The following NOS1 variants were observed in gnomAD, a reference collection of about 807,000 sequenced individuals.
NOS1 encodes the protein nitric oxide synthase 1, also known as NOS type I.
NOS1 carries 51 observed loss-of-function variants against 164.5 expected under a neutral mutation model. The observed-to-expected ratio is 0.31, with a 90% CI of 0.25 to 0.39. NOS1 has a LOEUF of 0.39. Ranked by LOEUF, NOS1 falls within the 10% of genes least tolerant of loss-of-function variation. The pLI is 1.00. For missense variants in NOS1, 1,362 were observed against 1,885.6 expected, an observed-to-expected ratio of 0.72 and a Z score of 5.14; for synonymous variants, 719 against 745.8, an observed-to-expected ratio of 0.96 and a Z score of 0.59.
intron 2 of NOS1, among the ~76,000 whole-genome samples, chr12:117,321,855 C>T (rs1278320290): frequency 6.6e-6 from 1 of 152,058 alleles, no homozygotes; most frequent in Non-Finnish European, 1.5e-5. Context: ...AAAAACCGAG[C>T]CAGTCCTCTT....
intron 7 of NOS1, 32 bp from the exon 8 acceptor site, chr12:117,280,898 A>AG: frequency 6.2e-7 from 1 of 1,609,002 alleles, no homozygotes; most frequent in Non-Finnish European, 8.5e-7. Flanking sequence ...ACCCGGCATC[A>AG]GGGCGGGACT....
At chr12:117,225,237 C>T (rs1236309007) in intron 24 of NOS1, 100 bp from the exon 25 acceptor site, 4 of 1,465,110 alleles carry the variant, frequency 2.7e-6, no homozygotes, top group Non-Finnish European at 2.8e-6. Flanking sequence ...GGTAGACATA[C>T]AATGAGACTT....
chr12:117,226,101 T>C (rs574109921), intron 24 of NOS1, among the ~76,000 whole-genome samples: 2 of 152,318 alleles, frequency 1.3e-5, no homozygotes, highest in South Asian at 4.1e-4. Context: ...GCCAATGAGA[T>C]TTGGATCATT....
chr12:117,215,985 C>T (rs1261189834), intron 28 of NOS1, among the ~76,000 whole-genome samples: 1 of 146,520 alleles, frequency 6.8e-6, no homozygotes, highest in Admixed American at 7.1e-5. Context: ...TCAAGCGATT[C>T]CTGTGTCTCA....
At chr12:117,350,888 C>A (rs548004466) in intron 1 of NOS1, among the ~76,000 whole-genome samples, 1 of 152,178 alleles carries the variant, frequency 6.6e-6, no homozygotes, top group East Asian at 1.9e-4. Context: ...CCGAGGCGGG[C>A]GGATCACGAG....
At chr12:117,259,576 G>A (rs9658429) in intron 14 of NOS1, among the ~76,000 whole-genome samples, 3,961 of 152,210 alleles carry the variant, frequency 0.026, 165 homozygotes, top group African/African-American at 0.09. Context: ...GCAGTGTGGA[G>A]CACCTGGCCA....
Position 117,305,443 on chromosome 12 carries a change from G to A in NOS1, c.852+6023C>T, listed in dbSNP as rs563687013. Among the ~76,000 whole-genome samples the A allele has an allele frequency of 3.4e-5, 5 of 147,046 alleles. No individual in the cohort carries two copies. In the South Asian group the frequency reaches 6.4e-4, roughly 19 times the overall value. The stretch of plus-strand genomic sequence containing the variant: ...CGCGTCATTGCACTCTTGCCTGGGC[G>A]ACTGAGTGAGACTCCATCTCAAAAA... On this transcript the variant is annotated intron_variant, in intron 3 of 28. Coordinates refer to ENST00000317775, the MANE Select transcript of NOS1 (RefSeq NM_000620.5).
intron 25 of NOS1, among the ~76,000 whole-genome samples, chr12:117,223,717 C>T (rs1161034287): frequency 2.0e-5 from 3 of 152,038 alleles, no homozygotes; most frequent in Non-Finnish European, 2.9e-5. Flanking sequence ...TGCAATGGCA[C>T]TATCTCGGCT....
At chr12:117,242,247 G>A (rs1001898472) in intron 20 of NOS1, among the ~76,000 whole-genome samples, 8 of 152,146 alleles carry the variant, frequency 5.3e-5, no homozygotes, top group African/African-American at 1.9e-4. Flanking sequence ...AGTGTGGGTA[G>A]CCACTTTTTA....
At chr12:117,229,066 C>A (rs548310724) in intron 22 of NOS1, among the ~76,000 whole-genome samples, 2 of 152,346 alleles carry the variant, frequency 1.3e-5, no homozygotes, top group South Asian at 2.1e-4. Context: ...TAGGCATGAG[C>A]CACTGCGACC....
At chr12:117,341,110 TA>T (rs1876091689) in intron 1 of NOS1, among the ~76,000 whole-genome samples, 1 of 152,106 alleles carries the variant, frequency 6.6e-6, no homozygotes, top group African/African-American at 2.4e-5. Context: ...CCACTATTAC[TA>T]ATTATCATCA....
At chr12:117,320,310 A>ATAAGAGGGC (rs1173093565) in intron 2 of NOS1, among the ~76,000 whole-genome samples, 1 of 152,160 alleles carries the variant, frequency 6.6e-6, no homozygotes, top group Non-Finnish European at 1.5e-5. Context: ...ATGTGTCTTG[A>ATAAGAGGGC]TAAGAGGGCT....
chr12:117,211,497 A>G lies in NOS1; in HGVS notation c.*3812T>C. On this transcript the variant is annotated 3_prime_UTR_variant, in exon 29 of 29. Coordinates refer to ENST00000317775, the MANE Select transcript of NOS1 (RefSeq NM_000620.5). The stretch of plus-strand genomic sequence containing the variant: ...ATGTCCCTTTTTGAAAAACATTCTT[A>G]GGGACTCCCTGTTGCCTTCTGAATA... The G allele has an allele frequency of 1.0e-6, 1 of 984,320 alleles. No individual in the cohort carries two copies. Among genetic ancestry groups the G allele is most frequent in the East Asian group, 1.1e-4 (1 of 8,812 alleles). The allele number at this position is 984,320 out of a possible 1,614,324, so 61.0% of individuals were successfully genotyped here.
In NOS1 at chr12:117,290,400, G is replaced by C. The variant is rs563079164; in HGVS notation, c.879C>G (p.Pro293=). The C allele has an allele frequency of 2.0e-5, 33 of 1,613,516 alleles. No homozygotes were observed. Among genetic ancestry groups the C allele is most frequent in the Non-Finnish European group, 2.8e-5 (33 of 1,179,698 alleles). ...EQPPTSGKQS[P]TKNGSPSKCP... ...ACTTGGAGGGGCTGCCATTCTTTGT[G>C]GGGGACTGTTTTCCTGAGGTGGGGG... The change falls in exon 4 of 29, where the codon CCC becomes CCG. Residue 293 remains proline, a synonymous_variant. Transcript: ENST00000317775.
chr12:117,329,240 G>A (rs1011552880), intron 2 of NOS1, among the ~76,000 whole-genome samples: 1 of 152,178 alleles, frequency 6.6e-6, no homozygotes, highest in African/African-American at 2.4e-5. Flanking sequence ...CTACCCTAGA[G>A]CTTAGGACAG....
At chr12:117,347,579 T>A (rs921668129) in intron 1 of NOS1, among the ~76,000 whole-genome samples, 1 of 152,112 alleles carries the variant, frequency 6.6e-6, no homozygotes. Context: ...TGCTAGTGAG[T>A]GAGTTTTAAA....
intron 3 of NOS1, chr12:117,309,351 G>A (rs1874314775): frequency 2.0e-6 from 2 of 985,258 alleles, no homozygotes; most frequent in African/African-American, 1.7e-5. Flanking sequence ...TTCCTGGCCA[G>A]CCATCAGCGG....
intron 1 of NOS1, among the ~76,000 whole-genome samples, chr12:117,358,336 T>A (rs113901184): frequency 6.6e-6 from 1 of 151,774 alleles, no homozygotes. Context: ...ACCCCCGCCC[T>A]CTCACTCTTC....
At chr12:117,314,333 C>T (rs149873475) in intron 2 of NOS1, among the ~76,000 whole-genome samples, 1 of 152,284 alleles carries the variant, frequency 6.6e-6, no homozygotes, top group Non-Finnish European at 1.5e-5. Context: ...CACTCAGTTC[C>T]CTTTCAGCTC....
Sources: allele counts gnomAD v4.1 joint callset (sites outside exome capture counted in the v4.1 genomes callset), GRCh38; gene constraint gnomAD v4.1.1; transcripts MANE v1.5; gene names NCBI Gene and HGNC (gene_info 2026-07-23, HGNC 2026-07-21).